The following MATN1 variants were observed in gnomAD, a reference collection of about 807,000 sequenced individuals.
MATN1 encodes the protein matrilin-1.
In MATN1, 34 loss-of-function variants were observed where a neutral mutation model predicts 41.3. The ratio of observed to expected loss-of-function variants is 0.82; its 90% CI spans 0.63 to 1.10. MATN1 has a LOEUF of 1.10. Ranked by LOEUF, MATN1 falls within the 50% of genes least tolerant of loss-of-function variation. MATN1 has a pLI of 0.00. For synonymous variants in MATN1, 264 were observed against 278.7 expected, an observed-to-expected ratio of 0.95 and a Z score of 0.53; for missense variants, 602 against 662.4, an observed-to-expected ratio of 0.91 and a Z score of 1.00.
At chr1:30,723,090 A>G (rs1569839352) in intron 1 of MATN1, among the ~76,000 whole-genome samples, 1 of 152,244 alleles carries the variant, frequency 6.6e-6, no homozygotes, top group African/African-American at 2.4e-5. Flanking sequence ...AAGGACCTGC[A>G]AAGGGGGCAT....
rs372695785 is a variant in MATN1 at position 30,723,546 on chromosome 1, C to T, written c.6G>A (p.Arg2=). Residue 2 remains arginine, a synonymous_variant, in exon 1 of 8, where the codon AGG becomes AGA. Transcript: ENST00000373765. M[R]VLSGTSLMLC... is the part of the protein sequence containing the mutation. Reference sequence around the variant, plus strand: ...GCATGAGGCTAGTGCCAGAGAGGACCCTCATAGTTCTGGCAGCACGGGCAG... The same window carrying T: ...GCATGAGGCTAGTGCCAGAGAGGACTCTCATAGTTCTGGCAGCACGGGCAG... 2.4e-4 allele frequency: 370 copies of T among 1,536,046 alleles called. 3 individuals are homozygous for T. The South Asian group carries it at 3.1e-3, about 13-fold the overall frequency.
intron 2 of MATN1, 165 bp from the exon 3 acceptor site, chr1:30,719,122 G>T: frequency 1.9e-6 from 1 of 534,034 alleles, no homozygotes; most frequent in South Asian, 2.8e-5. Context: ...CGTTTCCTCT[G>T]ACTGAGAGAC....
chr1:30,711,282 T>C lies in MATN1; in HGVS notation c.*2300A>G, dbSNP rs2124147428. The C allele has an allele frequency of 6.6e-6, 1 of 152,280 alleles. No homozygotes were observed. Among genetic ancestry groups the C allele is most frequent in the African/African-American group, 2.4e-5 (1 of 41,542 alleles). The allele number at this position is 152,280 out of a possible 1,614,324, so 9.4% of individuals were successfully genotyped here. A position where few individuals can be genotyped will look rare whatever the true frequency, so the allele number is the denominator to read the frequency against. On this transcript the variant is annotated 3_prime_UTR_variant, in exon 8 of 8. Coordinates refer to ENST00000373765, the MANE Select transcript of MATN1 (RefSeq NM_002379.3). ...AAAGAAAAGAACAATCCTAATTAGT[T>C]TAGTCCTGTTTATTTATACAAAATT...
rs1639662392 is a variant in MATN1 at position 30,718,925 on chromosome 1, C to T, written c.474G>A (p.Gln158=). 2 of 1,538,864 alleles carry T rather than the reference C, an allele frequency of 1.3e-6. No homozygotes were observed. The highest frequency in any genetic ancestry group is 2.0e-5 in the Admixed American group (1 of 50,510). Reference sequence around the variant, plus strand: ...GCGCAGACACGTCCTGCACGCTGTCCTGGGGCCTCCCGTCTGTCACCACGA... The same window carrying T: ...GCGCAGACACGTCCTGCACGCTGTCTTGGGGCCTCCCGTCTGTCACCACGA... ...VVIVVTDGRP[Q]DSVQDVSARA... is the part of the protein sequence containing the mutation. Residue 158 remains glutamine (Q), a synonymous_variant, in exon 3 of 8, where the codon CAG becomes CAA. Coordinates refer to ENST00000373765, the MANE Select transcript of MATN1 (RefSeq NM_002379.3).
At chr1:30,723,111 C>T (rs1407895718) in intron 1 of MATN1, among the ~76,000 whole-genome samples, 5 of 152,166 alleles carry the variant, frequency 3.3e-5, no homozygotes, top group Admixed American at 1.3e-4. Flanking sequence ...GAGCTCTTGG[C>T]ATCCCAGGTC....
At chr1:30,716,381 G>T in intron 4 of MATN1, 56 bp from the exon 5 acceptor site, 3 of 1,547,600 alleles carry the variant, frequency 1.9e-6, no homozygotes, top group Non-Finnish European at 1.8e-6. Flanking sequence ...CAACCATCCT[G>T]CTCCCCGGCT....
chr1:30,715,648 T>C (rs1267900038), intron 5 of MATN1, among the ~76,000 whole-genome samples: 3 of 152,198 alleles, frequency 2.0e-5, no homozygotes, highest in African/African-American at 4.8e-5. Context: ...TTCCAATAGT[T>C]GATGTGTTCT....
chr1:30,721,781 A>G (rs1395547554), intron 1 of MATN1, 30 bp from the exon 2 acceptor site: 1 of 1,568,510 alleles, frequency 6.4e-7, no homozygotes, highest in Admixed American at 1.7e-5. Flanking sequence ...GGTAAGGCAG[A>G]GAGCAGAGAC....
rs762770907 is a variant in MATN1, at chr1:30,716,911, C to T, written c.669G>A (p.Val223=). The T allele has an allele frequency of 1.2e-6, 2 of 1,612,682 alleles. No individual in the cohort carries two copies. Among genetic ancestry groups the T allele is most frequent in the East Asian group, 4.5e-5 (2 of 44,864 alleles). Residue 223 remains valine, a synonymous_variant, in exon 4 of 8, where the codon GTG becomes GTA. Transcript: ENST00000373765. The part of the protein sequence containing the change: ...SRKFQEAFCV[V]SDLCATGDHD... Reference sequence around the variant, plus strand: ...GGTCCCCTGTGGCGCACAGGTCTGACACCACTGCGGGGACAATAAGTAGCT... The same window carrying T: ...GGTCCCCTGTGGCGCACAGGTCTGATACCACTGCGGGGACAATAAGTAGCT...
rs7556625 is a variant in MATN1, at chr1:30,714,209, G to A, written c.1441+38C>T. On this transcript the variant is annotated intron_variant, in intron 7 of 7. Transcript: ENST00000373765. ...CCCGCCTCCCCCAACACTGGCCTGC[G>A]CCCCTCCCCAGCCCCAGCCCCCTCT... The A allele has an allele frequency of 8.4e-3, 12,582 of 1,501,090 alleles. 931 individuals are homozygous for A. In the African/African-American group the frequency reaches 0.16, roughly 19 times the overall value. 93.0% of individuals were successfully genotyped at this position (1,501,090 alleles called of 1,614,324 possible).
In MATN1 at chr1:30,721,550, A is replaced by G; in HGVS notation, c.296T>C (p.Val99Ala). Reference sequence around the variant, plus strand: ...AGCCTGCAGCAGTGCGGCCTTGGAGACATGAGCCCGCAGCGAGAACTCCTG... The same window carrying G: ...AGCCTGCAGCAGTGCGGCCTTGGAGGCATGAGCCCGCAGCGAGAACTCCTG... ...VKQEFSLRAH[V>A]SKAALLQAVR... The change falls in exon 2 of 8, where the codon GTC becomes GCC. Residue 99 changes from valine (V) to alanine (A), a missense_variant. Transcript: ENST00000373765. 6.2e-7 allele frequency: 1 copy of G among 1,613,290 alleles called. No homozygotes were observed. The highest frequency in any genetic ancestry group is 8.5e-7 in the Non-Finnish European group (1 of 1,180,030).
intron 1 of MATN1, 42 bp from the exon 2 acceptor site, chr1:30,721,793 C>A: frequency 6.5e-7 from 1 of 1,529,932 alleles, no homozygotes. Flanking sequence ...AGCAGAGACA[C>A]AGGTCAGGGA....
chr1:30,721,862 G>T, intron 1 of MATN1, 111 bp from the exon 2 acceptor site: 1 of 824,172 alleles, frequency 1.2e-6, no homozygotes, highest in Non-Finnish European at 1.9e-6. Flanking sequence ...CTCGGGCCCA[G>T]TAGGCTGCAA....
intron 1 of MATN1, among the ~76,000 whole-genome samples, chr1:30,721,971 A>G (rs1639701353): frequency 7.4e-6 from 1 of 135,894 alleles, no homozygotes; most frequent in Non-Finnish European, 1.7e-5. Context: ...ACAGAGGGCC[A>G]AGCCTGGCCT....
chr1:30,723,475 A>C lies in MATN1; in HGVS notation c.77T>G (p.Leu26Arg). The stretch of plus-strand genomic sequence containing the variant: ...CCCCTCACCTCTGGACTGGGGGGCG[A>C]GGCCAGGGCTGCACAGGGCCTGGAG... Reference protein sequence around the residue: ...LLLQALCSPGLAPQSRGHLCR... With the variant: ...LLLQALCSPGRAPQSRGHLCR... Residue 26 changes from leucine to arginine, a missense_variant, in exon 1 of 8, where the codon CTC becomes CGC. Leu to Arg is a moderately radical substitution (Grantham distance 102). Coordinates refer to ENST00000373765, the MANE Select transcript of MATN1 (RefSeq NM_002379.3). 2 of 1,522,944 alleles carry C rather than the reference A, an allele frequency of 1.3e-6. No individual in the cohort carries two copies. Among genetic ancestry groups the C allele is most frequent in the Non-Finnish European group, 1.8e-6 (2 of 1,135,294 alleles). 94.3% of individuals were successfully genotyped at this position (1,522,944 alleles called of 1,614,324 possible).
At chr1:30,717,430 A>C (rs1044336863) in intron 3 of MATN1, among the ~76,000 whole-genome samples, 1 of 149,210 alleles carries the variant, frequency 6.7e-6, no homozygotes, top group East Asian at 2.0e-4. Context: ...CCACACACAC[A>C]CCTCCCCTCC....
chr1:30,718,735 C>T lies in MATN1; in HGVS notation c.664G>A (p.Val222Met), dbSNP rs765756099. Reference protein sequence around the residue: ...LSRKFQEAFCVVSDLCATGDH... With the variant: ...LSRKFQEAFCMVSDLCATGDH... ...GCTCCGCCCCCGCCTGCCCGCGCAC[C>T]GCAGAAGGCCTCCTGGAACTTCCTG... The change falls in exon 3 of 8, where the codon GTG (valine) becomes ATG (methionine). Residue 222 changes from valine to methionine, a missense_variant and splice_region_variant. Coordinates refer to ENST00000373765, the MANE Select transcript of MATN1 (RefSeq NM_002379.3). 1 of 1,579,032 alleles carries T rather than the reference C, an allele frequency of 6.3e-7. No individual in the cohort carries two copies. The highest frequency in any genetic ancestry group is 8.6e-7 in the Non-Finnish European group (1 of 1,159,170).
At chr1:30,717,207 A>T (rs564946544) in intron 3 of MATN1, among the ~76,000 whole-genome samples, 1 of 152,382 alleles carries the variant, frequency 6.6e-6, no homozygotes, top group South Asian at 2.1e-4. Flanking sequence ...TGCTGTATCA[A>T]GACACCCAAG....
intron 5 of MATN1, among the ~76,000 whole-genome samples, chr1:30,715,675 G>C (rs571128794): frequency 6.1e-4 from 93 of 152,286 alleles, no homozygotes; most frequent in African/African-American, 2.1e-3. Context: ...TATCCAGCTG[G>C]AAAAGTTCCA....
Sources: allele counts gnomAD v4.1 joint callset (sites outside exome capture counted in the v4.1 genomes callset), GRCh38; gene constraint gnomAD v4.1.1; transcripts MANE v1.5; gene names NCBI Gene and HGNC (gene_info 2026-07-23, HGNC 2026-07-21).